The following SLC23A2 variants were observed in gnomAD, a reference collection of about 807,000 sequenced individuals.
SLC23A2 encodes Na(+)/L-ascorbic acid transporter 2.
Under a neutral mutation model 73.3 loss-of-function variants are expected in SLC23A2, and 36 were observed. That is an observed-to-expected ratio of 0.49 (90% CI 0.38 to 0.65). The LOEUF (loss-of-function observed/expected upper bound fraction) is 0.65, where lower values mean the gene tolerates loss of function less well. Among genes scored for constraint, SLC23A2 ranks in the 30% least tolerant of loss-of-function variants. SLC23A2 has a pLI of 0.00. For missense variants in SLC23A2, 507 were observed against 841.6 expected (o/e 0.60, Z 4.92); for synonymous variants, 343 against 327.3 (o/e 1.05, Z -0.52).
intron 13 of SLC23A2, among the ~76,000 whole-genome samples, chr20:4,865,759 G>C (rs889578157): frequency 3.3e-5 from 5 of 152,080 alleles, no homozygotes; most frequent in Non-Finnish European, 7.4e-5. Context: ...TTAACTCCCT[G>C]ATATAAAATG....
chr20:4,989,236 CAAAA>C (rs138535169), intron 1 of SLC23A2, among the ~76,000 whole-genome samples: 1 of 72,944 alleles, frequency 1.4e-5, no homozygotes, highest in African/African-American at 5.4e-5. Flanking sequence ...GACCCCGTCT[CAAAA>C]AAAAAAAAAA....
intron 1 of SLC23A2, among the ~76,000 whole-genome samples, chr20:5,007,756 A>G (rs1228859041): frequency 6.6e-6 from 1 of 152,130 alleles, no homozygotes; most frequent in African/African-American, 2.4e-5. Flanking sequence ...CTGAACATTT[A>G]GTATAAATGG....
At chr20:4,900,171 T>C (rs533466310) in intron 5 of SLC23A2, among the ~76,000 whole-genome samples, 147 of 152,368 alleles carry the variant, frequency 9.6e-4, no homozygotes, top group Non-Finnish European at 1.8e-3. Flanking sequence ...CACGCCCAGC[T>C]GCATTTCTCC....
chr20:4,884,888 AC>A (rs1343383649), intron 7 of SLC23A2, 65 bp from the exon 8 acceptor site: 4 of 929,650 alleles, frequency 4.3e-6, no homozygotes, highest in Non-Finnish European at 6.5e-6. Flanking sequence ...TATTCATTTT[AC>A]CTTTTAAGAA....
chr20:4,970,277 T>C (rs762294493), intron 2 of SLC23A2, among the ~76,000 whole-genome samples: 2 of 152,340 alleles, frequency 1.3e-5, no homozygotes, highest in Non-Finnish European at 2.9e-5. Context: ...GCGTGGAATT[T>C]GGCCTAAAGA....
chr20:4,943,967 C>T (rs573647095), intron 2 of SLC23A2, among the ~76,000 whole-genome samples: 19 of 152,240 alleles, frequency 1.2e-4, no homozygotes, highest in Admixed American at 2.6e-4. Flanking sequence ...CTACGGGAAG[C>T]GGAGAGTGGT....
At chr20:4,959,676 T>G (rs1237829511) in intron 2 of SLC23A2, among the ~76,000 whole-genome samples, 1 of 151,868 alleles carries the variant, frequency 6.6e-6, no homozygotes, top group East Asian at 1.9e-4. Flanking sequence ...TTTTCTAATT[T>G]TTGTAGAGAT....
Position 4,888,187 on chromosome 20 carries a change from C to A in SLC23A2, c.483-2278G>T, listed in dbSNP as rs75592697. On this transcript the variant is annotated intron_variant, in intron 6 of 16. Transcript: ENST00000338244. ...TTTCTTTACACCAGGGGCGGCCAAACCAGCCAGTGGGCCAAACCTGGGGTG... is the reference window on the plus strand; with the variant it reads ...TTTCTTTACACCAGGGGCGGCCAAAACAGCCAGTGGGCCAAACCTGGGGTG... Among the ~76,000 whole-genome samples, 172 of 152,320 alleles carry A rather than the reference C, an allele frequency of 1.1e-3. 3 individuals carry two copies. The East Asian group carries it at 0.03, about 27-fold the overall frequency.
chr20:4,961,430 A>G (rs2087388488), intron 2 of SLC23A2, among the ~76,000 whole-genome samples: 1 of 151,838 alleles, frequency 6.6e-6, no homozygotes, highest in Admixed American at 6.6e-5. Flanking sequence ...TTTATCTCCA[A>G]TCCCCCAGAG....
Position 4,862,702 on chromosome 20 carries a change from G to T in SLC23A2, c.1486+76C>A. The T allele has an allele frequency of 7.7e-7, 1 of 1,307,184 alleles. No individual in the cohort carries two copies. Among genetic ancestry groups the T allele is most frequent in the South Asian group, 1.4e-5 (1 of 72,668 alleles). 81.0% of individuals were successfully genotyped at this position (1,307,184 alleles called of 1,614,324 possible). On this transcript the variant is annotated intron_variant, in intron 14 of 16. Transcript: ENST00000338244. This position sits in a 1 kb window ranked among gnomAD's most constrained non-coding sequence, Gnocchi z 5.1. ...ATTTATCGTTACCTTCTTACTGAAGGGAGTCAGCAAAAACACCATGACCCC... is the reference window on the plus strand; with the variant it reads ...ATTTATCGTTACCTTCTTACTGAAGTGAGTCAGCAAAAACACCATGACCCC...
intron 2 of SLC23A2, among the ~76,000 whole-genome samples, chr20:4,963,611 G>A (rs746164546): frequency 3.9e-5 from 6 of 152,114 alleles, no homozygotes; most frequent in Non-Finnish European, 5.9e-5. Flanking sequence ...AGTTTGGGAG[G>A]CCAAGATGGG....
At position 4,857,902 on chromosome 20, in the gene SLC23A2, G is replaced by C. The variant is rs530168797; in HGVS notation, c.1721-698C>G. ...GCTGAGATCATGCCATTGCACTCTA[G>C]CCTGGGCAACAGAGCAAGACTCTGT... On this transcript the variant is annotated intron_variant, in intron 16 of 16. Transcript: ENST00000338244. This position sits in a 1 kb window ranked among gnomAD's most constrained non-coding sequence, Gnocchi z 4.0. 1.3e-5 allele frequency among the ~76,000 whole-genome samples: 2 copies of C among 152,206 alleles called. No homozygotes were observed. The highest frequency in any genetic ancestry group is 4.2e-4 in the South Asian group (2 of 4,816).
chr20:4,933,655 G>A (rs144879787), intron 2 of SLC23A2, among the ~76,000 whole-genome samples: 234 of 151,952 alleles, frequency 1.5e-3, no homozygotes, highest in Non-Finnish European at 2.4e-3. Context: ...AAATGAGAGG[G>A]CACAGAGGAT....
chr20:4,877,964 A>G (rs1456204279), intron 9 of SLC23A2, among the ~76,000 whole-genome samples: 1 of 152,246 alleles, frequency 6.6e-6, no homozygotes, highest in Non-Finnish European at 1.5e-5. Flanking sequence ...ATTCACTCTC[A>G]ATTCCAACAG....
In SLC23A2 at chr20:4,947,640, G is replaced by A. The variant is rs554862521; in HGVS notation, c.-154-14924C>T. Among the ~76,000 whole-genome samples the A allele has an allele frequency of 1.3e-5, 2 of 152,296 alleles. No homozygotes were observed. Among genetic ancestry groups the A allele is most frequent in the South Asian group, 4.1e-4 (2 of 4,822 alleles). ...TTGTTATTCTCTCCATTTCACAGAT[G>A]AGAAACTGGAGCACAGAGAGGTTGA... On this transcript the variant is annotated intron_variant, in intron 2 of 16. Transcript: ENST00000338244. This position sits in a 1 kb window ranked among gnomAD's most constrained non-coding sequence, Gnocchi z 4.4.
intron 12 of SLC23A2, chr20:4,869,257 C>A (rs1349836788): frequency 6.6e-6 from 1 of 151,768 alleles, no homozygotes; most frequent in East Asian, 1.9e-4. Context: ...TACGATTGTG[C>A]CTCTGAATAG....
At chr20:4,904,245 G>A (rs1931856729) in intron 4 of SLC23A2, among the ~76,000 whole-genome samples, 1 of 152,156 alleles carries the variant, frequency 6.6e-6, no homozygotes, top group Admixed American at 6.5e-5. Flanking sequence ...CTATACGACA[G>A]ATCCCCAATT....
At chr20:4,870,188 C>T (rs1930388534) in intron 11 of SLC23A2, 135 bp from the exon 12 acceptor site, 2 of 753,692 alleles carry the variant, frequency 2.7e-6, no homozygotes. Context: ...GGAAACTGTT[C>T]ATTTTAAAAT....
intron 2 of SLC23A2, among the ~76,000 whole-genome samples, chr20:4,934,854 C>T (rs1379440229): frequency 6.7e-6 from 1 of 149,598 alleles, no homozygotes; most frequent in African/African-American, 2.5e-5. Context: ...AAGAGTGAGA[C>T]TCTGTCTAAA....
Sources: gnomAD v4.1 joint callset for allele counts (sites outside exome capture counted in the v4.1 genomes callset) on GRCh38, gnomAD v4.1.1 for gene constraint, Gnocchi (gnomAD v3.1) non-coding constraint, MANE v1.5 for transcripts, NCBI Gene and HGNC (gene_info 2026-07-23, HGNC 2026-07-21) for gene names.